The following STK3 variants were observed in gnomAD, a reference collection of about 807,000 sequenced individuals.
STK3 encodes the protein serine/threonine-protein kinase 3.
A neutral mutation model predicts 58.0 loss-of-function variants in STK3; 41 were observed. The ratio of observed to expected loss-of-function variants is 0.71; its 90% CI spans 0.55 to 0.92. The LOEUF is 0.92. STK3 is among the 40% of genes least tolerant of loss of function. The pLI is 0.00. For synonymous variants in STK3, 170 were observed against 191.0 expected (o/e 0.89, Z 0.91); for missense variants, 479 against 602.7 (o/e 0.79, Z 2.15).
At chr8:98,886,674 G>GA (rs1275448449) in intron 1 of STK3, among the ~76,000 whole-genome samples, 2 of 152,128 alleles carry the variant, frequency 1.3e-5, no homozygotes, top group African/African-American at 4.8e-5. Context: ...GAAAAAGAGA[G>GA]AAACAGTCAT....
At chr8:98,571,815 T>C (rs886804715) in intron 8 of STK3, among the ~76,000 whole-genome samples, 4 of 152,190 alleles carry the variant, frequency 2.6e-5, no homozygotes, top group Non-Finnish European at 5.9e-5. Flanking sequence ...TTGCTCAACA[T>C]TTCACTTAAA....
chr8:98,718,539 A>G (rs959662166), intron 4 of STK3, among the ~76,000 whole-genome samples: 6 of 152,178 alleles, frequency 3.9e-5, no homozygotes, highest in Non-Finnish European at 8.8e-5. Flanking sequence ...CACTAACCAC[A>G]CATGGCTCCT....
intron 3 of STK3, among the ~76,000 whole-genome samples, chr8:98,841,210 T>C (rs917173359): frequency 2.0e-5 from 3 of 152,216 alleles, no homozygotes; most frequent in Non-Finnish European, 4.4e-5. Context: ...AACAAATCAC[T>C]ATGTCCAGCC....
At chr8:98,522,401 A>G (rs115575294) in intron 10 of STK3, among the ~76,000 whole-genome samples, 1 of 152,160 alleles carries the variant, frequency 6.6e-6, no homozygotes, top group Non-Finnish European at 1.5e-5. Context: ...ACCCTTTGCC[A>G]TGTAACTTTG....
Position 98,632,448 on chromosome 8 carries a change from A to C in STK3, c.685-36279T>G, listed in dbSNP as rs538226091. ...CATCCATATTAAACTCAGCTTCCCC[A>C]ATTCCAGATACAAATGAAATTGTGA... On this transcript the variant is annotated intron_variant, in intron 6 of 10. Coordinates refer to ENST00000419617, the MANE Select transcript of STK3 (RefSeq NM_006281.4). Among the ~76,000 whole-genome samples, 7 of 152,334 alleles carry C rather than the reference A, an allele frequency of 4.6e-5. No individual in the cohort carries two copies. The South Asian group carries it at 1.5e-3, about 32-fold the overall frequency.
intron 6 of STK3, among the ~76,000 whole-genome samples, chr8:98,607,996 G>C (rs1816903757): frequency 6.6e-6 from 1 of 152,056 alleles, no homozygotes; most frequent in African/African-American, 2.4e-5. Context: ...ACAAGATAGA[G>C]AAATAGATTT....
chr8:98,524,516 C>A (rs1387166362), intron 10 of STK3, among the ~76,000 whole-genome samples: 2 of 152,132 alleles, frequency 1.3e-5, no homozygotes, highest in Non-Finnish European at 2.9e-5. Context: ...TATCTAATTT[C>A]TTTCACCCAT....
chr8:98,921,149 A>T (rs542910910), intron 1 of STK3: 2 of 152,230 alleles, frequency 1.3e-5, no homozygotes, highest in East Asian at 3.9e-4. Flanking sequence ...ATTTTAGTGT[A>T]ATTATTTGTC....
At chr8:98,418,950 C>T (rs1349885661) in intron 3 of STK3, among the ~76,000 whole-genome samples, 1 of 152,216 alleles carries the variant, frequency 6.6e-6, no homozygotes, top group Non-Finnish European at 1.5e-5. Context: ...CACCTCCCAC[C>T]ACCCTTGGTG....
intron 3 of STK3, among the ~76,000 whole-genome samples, chr8:98,759,842 G>A (rs923239542): frequency 6.6e-6 from 1 of 152,074 alleles, no homozygotes; most frequent in African/African-American, 2.4e-5. Context: ...TGGCGAACTG[G>A]TTCCAGGAAC....
chr8:98,654,523 A>G (rs1454661376), intron 6 of STK3, among the ~76,000 whole-genome samples: 1 of 152,190 alleles, frequency 6.6e-6, no homozygotes, highest in African/African-American at 2.4e-5. Context: ...GTATTCAATT[A>G]GGAAAAGAGG....
chr8:98,535,275 A>G (rs1016672158), intron 9 of STK3, among the ~76,000 whole-genome samples: 8 of 152,184 alleles, frequency 5.3e-5, no homozygotes, highest in African/African-American at 1.9e-4. Context: ...GCATTCTTTA[A>G]AAAGTAAATT....
intron 1 of STK3, among the ~76,000 whole-genome samples, chr8:98,939,589 A>G (rs1392301994): frequency 1.3e-5 from 2 of 152,210 alleles, no homozygotes; most frequent in Admixed American, 1.3e-4. Context: ...TGGAGACGGG[A>G]GGGTAGCGCT....
At chr8:98,353,313 AAAAAAC>A in the STK3 span, among the ~76,000 whole-genome samples, 1 of 152,080 alleles carries the variant, frequency 6.6e-6, no homozygotes, top group Admixed American at 6.6e-5. Flanking sequence ...CATCTCTACA[AAAAAAC>A]AAAAACAAAA....
chr8:98,390,108 T>C (rs1302577789), upstream of STK3, among the ~76,000 whole-genome samples: 1 of 152,214 alleles, frequency 6.6e-6, no homozygotes, highest in Non-Finnish European at 1.5e-5. Context: ...CATTTACCAT[T>C]TCTGTTGCTT....
chr8:98,687,988 C>A (rs1175100257), intron 6 of STK3, among the ~76,000 whole-genome samples: 2 of 152,064 alleles, frequency 1.3e-5, no homozygotes, highest in Non-Finnish European at 2.9e-5. Context: ...GAGTGGCAAA[C>A]TGGAAAAAAC....
intron 4 of STK3, 99 bp from the exon 5 acceptor site, chr8:98,707,410 G>T: frequency 2.1e-6 from 2 of 942,302 alleles, no homozygotes; most frequent in Non-Finnish European, 3.0e-6. Flanking sequence ...GTGTGTGTGT[G>T]TGTGTTTTTT....
At chr8:98,677,844 A>G (rs541955900) in intron 6 of STK3, among the ~76,000 whole-genome samples, 1 of 152,294 alleles carries the variant, frequency 6.6e-6, no homozygotes, top group East Asian at 1.9e-4. Context: ...TACATTTTAT[A>G]TGAATACCAT....
chr8:98,361,476 GGCAT>G, the STK3 span, among the ~76,000 whole-genome samples: 1 of 152,134 alleles, frequency 6.6e-6, no homozygotes, highest in East Asian at 1.9e-4. Flanking sequence ...CCTCATCTGT[GGCAT>G]GCAGGTAATA....
Sources: gnomAD v4.1 joint callset for allele counts (sites outside exome capture counted in the v4.1 genomes callset) on GRCh38, gnomAD v4.1.1 for gene constraint, MANE v1.5 for transcripts, NCBI Gene and HGNC (gene_info 2026-07-23, HGNC 2026-07-21) for gene names.